The following VPS41 variants were observed in gnomAD, a reference collection of about 807,000 sequenced individuals.
VPS41 encodes VPS41 subunit of HOPS complex.
Under a neutral mutation model 130.9 loss-of-function variants are expected in VPS41, and 85 were observed. The observed-to-expected ratio is 0.65, with a 90% CI of 0.55 to 0.78. The LOEUF is 0.78. Ranked by LOEUF, VPS41 falls within the 30% of genes least tolerant of loss-of-function variation. The pLI, the probability that VPS41 is intolerant of heterozygous loss-of-function variation, is 0.00. For synonymous variants in VPS41, 335 were observed against 332.9 expected (o/e 1.01, Z -0.07); for missense variants, 874 against 1,018.7 (o/e 0.86, Z 1.93).
chr7:38,873,946 A>G (rs2116355487), intron 2 of VPS41, among the ~76,000 whole-genome samples: 1 of 152,310 alleles, frequency 6.6e-6, no homozygotes, highest in Admixed American at 6.5e-5. Flanking sequence ...ATGTTGTTAC[A>G]GTGTTACCAT....
intron 1 of VPS41, 147 bp downstream of exon 1, chr7:38,909,007 T>G: frequency 1.0e-6 from 1 of 1,001,538 alleles, no homozygotes; most frequent in East Asian, 2.4e-5. Flanking sequence ...CGAAACCAAC[T>G]TTCGCCATCC....
chr7:38,878,878 A>G (rs1245655218), intron 2 of VPS41, among the ~76,000 whole-genome samples: 3 of 152,264 alleles, frequency 2.0e-5, no homozygotes, highest in African/African-American at 4.8e-5. Flanking sequence ...TCAGCAGGAA[A>G]CAACGCACAG....
intron 23 of VPS41, among the ~76,000 whole-genome samples, chr7:38,743,790 A>T (rs1795932945): frequency 6.6e-6 from 1 of 152,142 alleles, no homozygotes; most frequent in African/African-American, 2.4e-5. Flanking sequence ...CCATCACTAC[A>T]ACCCTATGAG....
chr7:38,756,995 AT>A lies in VPS41; in HGVS notation c.1551-14del. ...GTCATAGGTGTACCTGGTAATACAA[AT>A]TTTTTACATTAATATTCATCAACAG... On this transcript the variant is annotated splice_polypyrimidine_tract_variant and intron_variant, in intron 18 of 28. Transcript: ENST00000310301. 6.4e-7 allele frequency: 1 copy of A among 1,563,102 alleles called. No homozygotes were observed. Among genetic ancestry groups the A allele is most frequent in the Admixed American group, 1.7e-5 (1 of 57,988 alleles).
intron 7 of VPS41, among the ~76,000 whole-genome samples, chr7:38,803,670 A>T (rs1312534998): frequency 3.9e-5 from 6 of 152,232 alleles, no homozygotes; most frequent in Non-Finnish European, 7.3e-5. Flanking sequence ...AGAAAAGATC[A>T]TGAGCAAAAT....
At chr7:38,843,409 G>A (rs746476425) in intron 4 of VPS41, among the ~76,000 whole-genome samples, 2 of 152,154 alleles carry the variant, frequency 1.3e-5, no homozygotes, top group Non-Finnish European at 2.9e-5. Flanking sequence ...CTGGCCGGGC[G>A]CGGTGGCTCA....
intron 19 of VPS41, among the ~76,000 whole-genome samples, chr7:38,756,213 TACACACACACACACAC>T (rs3839727): frequency 6.8e-5 from 10 of 146,556 alleles, no homozygotes; most frequent in Admixed American, 1.4e-4. Context: ...AGATTTCTTT[TACACACACACACACAC>T]ACACACACAC....
rs16879964 is a variant in VPS41, at chr7:38,795,268, C to T, written c.717+197G>A. Among the ~76,000 whole-genome samples, 16,988 of 152,130 alleles carry T rather than the reference C, an allele frequency of 0.11. 1,485 individuals carry two copies. The highest frequency in any genetic ancestry group is 0.24 in the African/African-American group (10,125 of 41,456). ...ACGAAAAAGTTCACAAATAGTTTTA[C>T]ATGCCATGGAAAAGAAAGAATACAT... On this transcript the variant is annotated intron_variant, in intron 9 of 28. Coordinates refer to ENST00000310301, the MANE Select transcript of VPS41 (RefSeq NM_014396.4).
At chr7:38,804,873 A>G (rs1278427163) in intron 7 of VPS41, among the ~76,000 whole-genome samples, 2 of 152,212 alleles carry the variant, frequency 1.3e-5, no homozygotes, top group Non-Finnish European at 2.9e-5. Flanking sequence ...CTTAAAAAAA[A>G]TCTTCCATAT....
chr7:38,872,266 G>T (rs1003559492), intron 2 of VPS41, among the ~76,000 whole-genome samples: 1 of 152,194 alleles, frequency 6.6e-6, no homozygotes, highest in Non-Finnish European at 1.5e-5. Context: ...CCTGTGGAGG[G>T]GTCCACGAAG....
intron 7 of VPS41, among the ~76,000 whole-genome samples, chr7:38,797,657 A>G (rs1367397361): frequency 1.3e-5 from 2 of 152,212 alleles, no homozygotes; most frequent in African/African-American, 4.8e-5. Context: ...TTTCAAAGCA[A>G]ATGCTGACAA....
chr7:38,907,995 C>G (rs1378970762), intron 1 of VPS41, among the ~76,000 whole-genome samples: 1 of 152,170 alleles, frequency 6.6e-6, no homozygotes, highest in Admixed American at 6.5e-5. Context: ...ATCTTGTTAT[C>G]ACAAGGACCA....
At chr7:38,909,064 G>C in intron 1 of VPS41, 90 bp downstream of exon 1, 2 of 1,392,438 alleles carry the variant, frequency 1.4e-6, no homozygotes, top group Non-Finnish European at 2.0e-6. Context: ...CAGCAGCTCC[G>C]CACCTCCACC....
chr7:38,895,731 G>A (rs577854020), intron 2 of VPS41, among the ~76,000 whole-genome samples: 15 of 152,154 alleles, frequency 9.9e-5, no homozygotes, highest in Admixed American at 2.0e-4. Flanking sequence ...CTGCCAAGCC[G>A]CTAAGGATGC....
intron 2 of VPS41, 81 bp downstream of exon 2, chr7:38,898,010 G>T: frequency 7.5e-7 from 1 of 1,338,504 alleles, no homozygotes; most frequent in Non-Finnish European, 1.1e-6. Flanking sequence ...CCCTGGGAAT[G>T]TTGCATTTAG....
intron 10 of VPS41, 42 bp from the exon 11 acceptor site, chr7:38,776,818 A>T (rs540434409): frequency 9.0e-7 from 1 of 1,115,582 alleles, no homozygotes; most frequent in South Asian, 1.3e-5. Context: ...CAACAGGGGC[A>T]AACAGCAGCA....
intron 7 of VPS41, among the ~76,000 whole-genome samples, chr7:38,815,320 A>G (rs1785023648): frequency 6.6e-6 from 1 of 152,132 alleles, no homozygotes; most frequent in African/African-American, 2.4e-5. Flanking sequence ...GCTACTCAGG[A>G]GGCTGAGGCA....
At chr7:38,840,484 G>A (rs138229183) in intron 4 of VPS41, among the ~76,000 whole-genome samples, 267 of 152,064 alleles carry the variant, frequency 1.8e-3, no homozygotes, top group African/African-American at 6.2e-3. Context: ...AACAATCATC[G>A]CAAATATTAG....
At chr7:38,907,851 C>T (rs2116471528) in intron 1 of VPS41, among the ~76,000 whole-genome samples, 1 of 152,174 alleles carries the variant, frequency 6.6e-6, no homozygotes, top group Non-Finnish European at 1.5e-5. Context: ...TAAAGATGCA[C>T]AATGTGAAAA....
Sources: gnomAD v4.1 joint callset for allele counts (sites outside exome capture counted in the v4.1 genomes callset) on GRCh38, gnomAD v4.1.1 for gene constraint, MANE v1.5 for transcripts, NCBI Gene and HGNC (gene_info 2026-07-23, HGNC 2026-07-21) for gene names.